The following MYO3B variants were observed in gnomAD, a reference collection of about 807,000 sequenced individuals.
The protein encoded by MYO3B is myosin-IIIb.
MYO3B carries 156 observed loss-of-function variants against 174.6 expected under a neutral mutation model. The ratio of observed to expected loss-of-function variants is 0.89; its 90% CI spans 0.78 to 1.02. The LOEUF is 1.02. Ranked by LOEUF, MYO3B falls within the 50% of genes least tolerant of loss-of-function variation. The probability of loss-of-function intolerance (pLI) is 0.00; values close to 1 mark genes in which losing one functional copy is unlikely to be tolerated. For missense variants in MYO3B, 1,632 were observed against 1,639.4 expected (o/e 1.00, Z 0.08); for synonymous variants, 563 against 569.1 (o/e 0.99, Z 0.15).
intron 32 of MYO3B, among the ~76,000 whole-genome samples, chr2:170,590,516 C>T (rs1456560711): frequency 6.6e-6 from 1 of 152,054 alleles, no homozygotes; most frequent in African/African-American, 2.4e-5. Context: ...TGTACCTCTT[C>T]TCACACCAGC....
intron 6 of MYO3B, among the ~76,000 whole-genome samples, chr2:170,234,445 G>A (rs1174227707): frequency 6.6e-6 from 1 of 152,100 alleles, no homozygotes; most frequent in Non-Finnish European, 1.5e-5. Flanking sequence ...ATTCACAAGG[G>A]CAGAATTCTC....
At position 170,631,043 on chromosome 2, in the gene MYO3B, G is replaced by A. The variant is rs538408039; in HGVS notation, c.3734-20585G>A. Among the ~76,000 whole-genome samples, 186 of 152,208 alleles carry A rather than the reference G, an allele frequency of 1.2e-3. 1 individual carries two copies. Among genetic ancestry groups the A allele is most frequent in the Non-Finnish European group, 1.8e-3 (122 of 68,042 alleles). The stretch of plus-strand genomic sequence containing the variant: ...TCCTTGCCAGCAACAGAACAAAGCT[G>A]GACGGAGAATGACTTTGACGAGTTG... On this transcript the variant is annotated intron_variant, in intron 32 of 34. Transcript: ENST00000408978.
intron 32 of MYO3B, among the ~76,000 whole-genome samples, chr2:170,625,020 A>C (rs573799388): frequency 5.9e-5 from 9 of 152,284 alleles, no homozygotes; most frequent in African/African-American, 1.9e-4. Context: ...TATTGGTCTA[A>C]AATTCTCTTG....
chr2:170,631,726 C>T (rs1261713932), intron 32 of MYO3B, among the ~76,000 whole-genome samples: 3 of 152,074 alleles, frequency 2.0e-5, no homozygotes, highest in Non-Finnish European at 2.9e-5. Context: ...CTCTACAAGC[C>T]AGAAGAGAGT....
intron 32 of MYO3B, among the ~76,000 whole-genome samples, chr2:170,595,674 G>A (rs1317250005): frequency 6.6e-6 from 1 of 152,112 alleles, no homozygotes; most frequent in African/African-American, 2.4e-5. Context: ...CTGGGCTCAA[G>A]CAGTCCTCCT....
chr2:170,513,247 C>G (rs372735345), intron 28 of MYO3B, among the ~76,000 whole-genome samples: 64 of 152,256 alleles, frequency 4.2e-4, no homozygotes, highest in African/African-American at 1.5e-3. Flanking sequence ...AACTGTGTAG[C>G]TGAAAACAAC....
intron 1 of MYO3B, among the ~76,000 whole-genome samples, chr2:170,181,372 T>C (rs1186971531): frequency 1.3e-5 from 2 of 152,184 alleles, no homozygotes; most frequent in African/African-American, 2.4e-5. Context: ...TAGATAATCA[T>C]GTAATCTTCA....
intron 21 of MYO3B, 33 bp from the exon 22 acceptor site, chr2:170,407,682 T>G (rs1001463588): frequency 1.2e-6 from 2 of 1,608,286 alleles, no homozygotes; most frequent in Non-Finnish European, 1.7e-6. Flanking sequence ...ACAGTTGACT[T>G]GGCTAATTTG....
At chr2:170,216,205 T>C (rs997943796) in intron 5 of MYO3B, among the ~76,000 whole-genome samples, 5 of 152,196 alleles carry the variant, frequency 3.3e-5, no homozygotes, top group Non-Finnish European at 7.4e-5. Context: ...TAAGAACACA[T>C]AGTGTTCAGT....
chr2:170,517,863 G>T (rs1168014411), intron 29 of MYO3B, among the ~76,000 whole-genome samples: 1 of 151,532 alleles, frequency 6.6e-6, no homozygotes, highest in African/African-American at 2.4e-5. Flanking sequence ...TTTTATCAAC[G>T]GAGAAAAGGC....
chr2:170,524,508 G>A (rs1478756439), intron 30 of MYO3B: 7 of 449,184 alleles, frequency 1.6e-5, no homozygotes, highest in Non-Finnish European at 3.1e-5. Flanking sequence ...TTTTGAGATG[G>A]AGTTTCACTC....
chr2:170,623,335 ATT>A (rs926092428), intron 32 of MYO3B, among the ~76,000 whole-genome samples: 1 of 152,052 alleles, frequency 6.6e-6, no homozygotes, highest in African/African-American at 2.4e-5. Context: ...GATGATGAGC[ATT>A]TTTTCATATG....
intron 22 of MYO3B, among the ~76,000 whole-genome samples, chr2:170,425,412 A>T (rs558624547): frequency 6.6e-6 from 1 of 152,342 alleles, no homozygotes; most frequent in South Asian, 2.1e-4. Context: ...GTCATCAGTA[A>T]ACTAAATTAA....
intron 1 of MYO3B, among the ~76,000 whole-genome samples, chr2:170,194,609 A>G (rs1348007780): frequency 1.3e-5 from 2 of 151,684 alleles, no homozygotes; most frequent in Non-Finnish European, 2.9e-5. Context: ...ATTTGCTTTT[A>G]TTTGGTTTTG....
chr2:170,269,388 CT>C (rs1453671046), intron 7 of MYO3B, among the ~76,000 whole-genome samples: 1 of 152,142 alleles, frequency 6.6e-6, no homozygotes, highest in Non-Finnish European at 1.5e-5. Context: ...TAAATCCCTC[CT>C]TTCCCAATGG....
intron 32 of MYO3B, among the ~76,000 whole-genome samples, chr2:170,568,811 A>G (rs1217359237): frequency 6.6e-6 from 1 of 152,246 alleles, no homozygotes; most frequent in Admixed American, 6.5e-5. Flanking sequence ...CAGTGACTGT[A>G]GCAGCAATCT....
At chr2:170,315,097 T>C (rs1394097068) in intron 7 of MYO3B, among the ~76,000 whole-genome samples, 1 of 152,238 alleles carries the variant, frequency 6.6e-6, no homozygotes, top group Non-Finnish European at 1.5e-5. Context: ...TTTATTCTGT[T>C]GGTTTATGAT....
At chr2:170,499,553 T>G in intron 26 of MYO3B, 93 bp from the exon 27 acceptor site, 1 of 1,171,138 alleles carries the variant, frequency 8.5e-7, no homozygotes, top group Non-Finnish European at 1.2e-6. Context: ...ATTTATATCA[T>G]TGTTTTAATA....
chr2:170,242,638 G>T (rs189626514), intron 7 of MYO3B, among the ~76,000 whole-genome samples: 2 of 152,210 alleles, frequency 1.3e-5, no homozygotes, highest in African/African-American at 2.4e-5. Flanking sequence ...CAAAGCAGGA[G>T]CATGCCTTCA....
Sources: allele counts gnomAD v4.1 joint callset (sites outside exome capture counted in the v4.1 genomes callset), GRCh38; gene constraint gnomAD v4.1.1; transcripts MANE v1.5; gene names NCBI Gene and HGNC (gene_info 2026-07-23, HGNC 2026-07-21).